PGBD5: variants seen among roughly 807,000 people sequenced by gnomAD.
PGBD5 encodes the protein piggyBac transposable element-derived protein 5.
In PGBD5, 14 loss-of-function variants were observed where a neutral mutation model predicts 47.9. That is an observed-to-expected ratio of 0.29 (90% CI 0.19 to 0.46). The LOEUF (loss-of-function observed/expected upper bound fraction) is 0.46, where lower values mean the gene tolerates loss of function less well. Ranked by LOEUF, PGBD5 falls within the 20% of genes least tolerant of loss-of-function variation. PGBD5 has a pLI of 1.00. For missense variants in PGBD5, 635 were observed against 716.0 expected (o/e 0.89, Z 1.29); for synonymous variants, 316 against 306.3 (o/e 1.03, Z -0.33).
rs1197716394 is a variant in PGBD5, at chr1:230,425,436, A to G, written c.331+162T>C. Among the ~76,000 whole-genome samples, 1 of 152,060 alleles carries G rather than the reference A, an allele frequency of 6.6e-6. No homozygotes were observed. Among genetic ancestry groups the G allele is most frequent in the Non-Finnish European group, 1.5e-5 (1 of 67,994 alleles). On this transcript the variant is annotated intron_variant, in intron 1 of 6. Coordinates refer to ENST00000391860, the MANE Select transcript of PGBD5 (RefSeq NM_001258311.2). This position sits in a 1 kb window ranked among gnomAD's most constrained non-coding sequence, Gnocchi z 4.7. ...CACCCACGGGTTCGGAGCCCCCAGG[A>G]GCAGTCAGACCGATCACCGCTCCTG...
At chr1:230,397,043 G>GA (rs1657002463) in intron 1 of PGBD5, among the ~76,000 whole-genome samples, 1 of 152,172 alleles carries the variant, frequency 6.6e-6, no homozygotes, top group Admixed American at 6.5e-5. Context: ...CACTGGAGAG[G>GA]GAGTTCACCT....
At chr1:230,390,662 A>G (rs1656760219) in intron 1 of PGBD5, among the ~76,000 whole-genome samples, 1 of 152,096 alleles carries the variant, frequency 6.6e-6, no homozygotes, top group South Asian at 2.1e-4. Context: ...GCTCAGAATC[A>G]TGGGGCCAGG....
chr1:230,338,579 A>C (rs765375581), intron 3 of PGBD5, among the ~76,000 whole-genome samples: 18 of 152,116 alleles, frequency 1.2e-4, no homozygotes, highest in Non-Finnish European at 2.4e-4. Context: ...GTGAGTGATT[A>C]CCTGAGGTCA....
At chr1:230,381,088 C>T (rs1203670431) in intron 1 of PGBD5, among the ~76,000 whole-genome samples, 1 of 152,250 alleles carries the variant, frequency 6.6e-6, no homozygotes, top group Admixed American at 6.5e-5. Context: ...CACTTCTGCC[C>T]TTCTCCCAGT....
Position 230,425,108 on chromosome 1 carries a change from G to C in PGBD5, c.331+490C>G, listed in dbSNP as rs970025839. 1.3e-5 allele frequency among the ~76,000 whole-genome samples: 2 copies of C among 152,178 alleles called. No homozygotes were observed. The highest frequency in any genetic ancestry group is 4.8e-5 in the African/African-American group (2 of 41,514). ...AAGCCAAGTCAAGACGCCGCGGGTGGCCTCTCTCTCAACTCTCACTGGGCC... is the reference window on the plus strand; with the variant it reads ...AAGCCAAGTCAAGACGCCGCGGGTGCCCTCTCTCTCAACTCTCACTGGGCC... On this transcript the variant is annotated intron_variant, in intron 1 of 6. Transcript: ENST00000391860. This position sits in a 1 kb window ranked among gnomAD's most constrained non-coding sequence, Gnocchi z 4.7.
chr1:230,353,575 T>C (rs1444267570), intron 2 of PGBD5, among the ~76,000 whole-genome samples: 1 of 151,486 alleles, frequency 6.6e-6, no homozygotes, highest in African/African-American at 2.4e-5. Flanking sequence ...GTGAGCTGAG[T>C]GTGTGAGGTG....
chr1:230,330,802 C>T lies in PGBD5; in HGVS notation c.1273+2042G>A, dbSNP rs75982378. On this transcript the variant is annotated intron_variant, in intron 5 of 6. Transcript: ENST00000391860. ...GTCATTCCTTGGGATTTTTAAGGGA[C>T]GCTAGGATTCTGAACTTTATGATGT... Among the ~76,000 whole-genome samples, 1,148 of 152,164 alleles carry T rather than the reference C, an allele frequency of 7.5e-3. 13 individuals carry two copies. Among genetic ancestry groups the T allele is most frequent in the East Asian group, 0.073 (378 of 5,172 alleles).
intron 1 of PGBD5, among the ~76,000 whole-genome samples, chr1:230,391,245 G>C (rs828469): frequency 6.6e-6 from 1 of 151,716 alleles, no homozygotes; most frequent in Non-Finnish European, 1.5e-5. Context: ...TAACATCTCC[G>C]AGGGCCTGAG....
chr1:230,346,382 C>T (rs1485206135), intron 3 of PGBD5, among the ~76,000 whole-genome samples: 6 of 152,124 alleles, frequency 3.9e-5, no homozygotes, highest in East Asian at 3.9e-4. Flanking sequence ...ATCACAGGGA[C>T]GTAACCCCAT....
At chr1:230,422,917 G>A (rs1424688821) in intron 1 of PGBD5, among the ~76,000 whole-genome samples, 1 of 151,752 alleles carries the variant, frequency 6.6e-6, no homozygotes. Flanking sequence ...GGGGTGGGGG[G>A]ATGTGGCAAC....
chr1:230,371,947 G>A (rs2102718572), intron 1 of PGBD5, among the ~76,000 whole-genome samples: 1 of 152,326 alleles, frequency 6.6e-6, no homozygotes. Context: ...CAGAGGATGA[G>A]GAGGCTAGTT....
rs1571831809 is a variant in PGBD5 at position 230,343,800 on chromosome 1, A to G, written c.895-6512T>C. ...TAAAAAGACTGAGTCAAATAAGGAAAAAAACACTTTAGTGCACCTTCTTTA... is the reference window on the plus strand; with the variant it reads ...TAAAAAGACTGAGTCAAATAAGGAAGAAAACACTTTAGTGCACCTTCTTTA... On this transcript the variant is annotated intron_variant, in intron 3 of 6. Coordinates refer to ENST00000391860, the MANE Select transcript of PGBD5 (RefSeq NM_001258311.2). Among the ~76,000 whole-genome samples, 3 of 152,378 alleles carry G rather than the reference A, an allele frequency of 2.0e-5. No individual in the cohort carries two copies. The South Asian group carries it at 6.2e-4, about 32-fold the overall frequency.
chr1:230,343,175 C>T (rs1411236133), intron 3 of PGBD5, among the ~76,000 whole-genome samples: 14 of 152,076 alleles, frequency 9.2e-5, no homozygotes, highest in Admixed American at 9.2e-4. Flanking sequence ...CTTGGTCCTT[C>T]TCCTCTCTGG....
Position 230,393,627 on chromosome 1 carries a change from G to A in PGBD5, c.331+31971C>T, listed in dbSNP as rs575397617. ...CAGAGGCAGGCGGATTATGAGGTCA[G>A]GAGATCGAGACCACGGTGAAACCCC... On this transcript the variant is annotated intron_variant, in intron 1 of 6. Transcript: ENST00000391860. Among the ~76,000 whole-genome samples, 335 of 152,152 alleles carry A rather than the reference G, an allele frequency of 2.2e-3. 1 individual carries two copies. The highest frequency in any genetic ancestry group is 7.5e-3 in the African/African-American group (311 of 41,522).
At position 230,316,228 on chromosome 1, in the gene PGBD5, ATACG is replaced by A. The variant is rs142925572; in HGVS notation, c.*7193_*7196del. On this transcript the variant is annotated 3_prime_UTR_variant, in exon 7 of 7. Transcript: ENST00000391860. ...CATATGTACACATGTGTATATGTGT[ATACG>A]TACATATGTGTATATATGTATTAAG... 1,537 of 149,832 alleles carry A rather than the reference ATACG, an allele frequency of 0.01. 16 individuals are homozygous for A. Among genetic ancestry groups the A allele is most frequent in the East Asian group, 0.035 (167 of 4,776 alleles). 9.3% of individuals were successfully genotyped at this position (149,832 alleles called of 1,614,324 possible). A position where few individuals can be genotyped will look rare whatever the true frequency, so the allele number is the denominator to read the frequency against.
chr1:230,319,880 G>C lies in PGBD5; in HGVS notation c.*3545C>G, dbSNP rs1303158168. 6.9e-6 allele frequency: 1 copy of C among 145,918 alleles called. No homozygotes were observed. Among genetic ancestry groups the C allele is most frequent in the East Asian group, 2.0e-4 (1 of 5,022 alleles). 9.0% of individuals were successfully genotyped at this position (145,918 alleles called of 1,614,324 possible). A position where few individuals can be genotyped will look rare whatever the true frequency, so the allele number is the denominator to read the frequency against. Reference sequence around the variant, plus strand: ...TTTTTTTTTTTTTTTGTGGCGGGGTGGGGGTTGGAGTCTCGCTCTGTCACC... The same window carrying C: ...TTTTTTTTTTTTTTTGTGGCGGGGTCGGGGTTGGAGTCTCGCTCTGTCACC... On this transcript the variant is annotated 3_prime_UTR_variant, in exon 7 of 7. Coordinates refer to ENST00000391860, the MANE Select transcript of PGBD5 (RefSeq NM_001258311.2).
chr1:230,364,523 T>C (rs537663901), intron 1 of PGBD5, among the ~76,000 whole-genome samples: 1 of 152,368 alleles, frequency 6.6e-6, no homozygotes, highest in Admixed American at 6.5e-5. Flanking sequence ...AGGGCTTTCT[T>C]GTTAGGAATA....
chr1:230,366,808 C>T (rs1184120772), intron 1 of PGBD5, among the ~76,000 whole-genome samples: 1 of 152,150 alleles, frequency 6.6e-6, no homozygotes, highest in Non-Finnish European at 1.5e-5. Context: ...TTGCTAATCC[C>T]TCATCACAGG....
intron 3 of PGBD5, 99 bp downstream of exon 3, chr1:230,350,859 A>T: frequency 1.3e-6 from 2 of 1,495,900 alleles, no homozygotes; most frequent in Non-Finnish European, 1.8e-6. Flanking sequence ...TGAAAAGGGT[A>T]TGTGAACAAG....
Sources: gnomAD v4.1 joint callset for allele counts (sites outside exome capture counted in the v4.1 genomes callset) on GRCh38, gnomAD v4.1.1 for gene constraint, Gnocchi (gnomAD v3.1) non-coding constraint, MANE v1.5 for transcripts, NCBI Gene and HGNC (gene_info 2026-07-23, HGNC 2026-07-21) for gene names.